The following SCAI variants were observed in gnomAD, a reference collection of about 807,000 sequenced individuals.
SCAI encodes suppressor of cancer cell invasion.
SCAI carries 24 observed loss-of-function variants against 92.2 expected under a neutral mutation model. That is an observed-to-expected ratio of 0.26 (90% CI 0.19 to 0.37). The LOEUF (loss-of-function observed/expected upper bound fraction) is 0.37, where lower values mean the gene tolerates loss of function less well. Ranked by LOEUF, SCAI falls within the 10% of genes least tolerant of loss-of-function variation. SCAI has a pLI of 1.00. For synonymous variants in SCAI, 261 were observed against 258.6 expected (o/e 1.01, Z -0.09); for missense variants, 450 against 736.2 (o/e 0.61, Z 4.50).
intron 17 of SCAI, chr9:124,968,474 G>T: frequency 1.1e-6 from 1 of 935,678 alleles, no homozygotes; most frequent in South Asian, 1.3e-5. Context: ...AGATTTGCTT[G>T]TTTGGTGTCT....
chr9:125,019,722 G>A (rs113996967), intron 7 of SCAI, among the ~76,000 whole-genome samples: 1,658 of 152,170 alleles, frequency 0.011, 34 homozygotes, highest in African/African-American at 0.038. Context: ...AATGGTAACT[G>A]GGTATAAAGG....
At chr9:124,992,157 A>C (rs1832141510) in intron 14 of SCAI, among the ~76,000 whole-genome samples, 1 of 152,138 alleles carries the variant, frequency 6.6e-6, no homozygotes, top group South Asian at 2.1e-4. Flanking sequence ...GGTTCAAGTG[A>C]TCCTCTTGCC....
intron 3 of SCAI, among the ~76,000 whole-genome samples, chr9:125,041,640 C>T (rs1833320261): frequency 2.0e-5 from 3 of 152,094 alleles, no homozygotes; most frequent in South Asian, 4.1e-4. Flanking sequence ...GGACTTCGTA[C>T]GCAGGCTAAA....
chr9:124,996,040 C>G (rs111714087), intron 13 of SCAI, among the ~76,000 whole-genome samples: 3 of 152,050 alleles, frequency 2.0e-5, no homozygotes, highest in Non-Finnish European at 4.4e-5. Context: ...TATCATCAAA[C>G]TTCATTATAT....
chr9:124,955,627 A>T (rs1378539253), intron 17 of SCAI, among the ~76,000 whole-genome samples: 1 of 151,998 alleles, frequency 6.6e-6, no homozygotes, highest in African/African-American at 2.4e-5. Context: ...TCTCAAAAAA[A>T]ATTTTTTTAA....
At chr9:124,955,122 C>T (rs1265627813) in intron 17 of SCAI, among the ~76,000 whole-genome samples, 1 of 148,906 alleles carries the variant, frequency 6.7e-6, no homozygotes, top group Non-Finnish European at 1.5e-5. Context: ...GAGCCAAGAT[C>T]GCGCCACTGC....
chr9:125,114,039 G>T (rs919174947), intron 2 of SCAI, among the ~76,000 whole-genome samples: 4 of 152,160 alleles, frequency 2.6e-5, no homozygotes, highest in African/African-American at 9.7e-5. Flanking sequence ...CAAGGCAATG[G>T]TTCCCAAACT....
intron 14 of SCAI, among the ~76,000 whole-genome samples, chr9:124,980,241 C>T (rs1258461667): frequency 6.6e-6 from 1 of 151,628 alleles, no homozygotes; most frequent in Non-Finnish European, 1.5e-5. Context: ...CTAAAATGGA[C>T]ATTGCTATTA....
intron 3 of SCAI, among the ~76,000 whole-genome samples, chr9:125,040,978 A>C (rs2131108574): frequency 6.6e-6 from 1 of 152,212 alleles, no homozygotes; most frequent in South Asian, 2.1e-4. Flanking sequence ...ATACTAATAA[A>C]TTTGAATAGC....
intron 12 of SCAI, among the ~76,000 whole-genome samples, chr9:125,001,633 G>C (rs1588143492): frequency 6.6e-6 from 1 of 152,228 alleles, no homozygotes; most frequent in East Asian, 1.9e-4. Context: ...CATTACGCTT[G>C]GTTATTCCAT....
At chr9:125,035,514 C>T (rs943435896) in intron 3 of SCAI, among the ~76,000 whole-genome samples, 1 of 152,036 alleles carries the variant, frequency 6.6e-6, no homozygotes, top group Admixed American at 6.6e-5. Flanking sequence ...GTCAGACTGG[C>T]TTGGTACCAC....
At chr9:125,066,196 G>A in intron 2 of SCAI, 3 of 505,674 alleles carry the variant, frequency 5.9e-6, no homozygotes, top group Non-Finnish European at 1.0e-5. Flanking sequence ...CAAAGTTTCT[G>A]GATAAAAGGT....
chr9:125,100,726 G>A (rs1397693189), intron 2 of SCAI, among the ~76,000 whole-genome samples: 1 of 151,736 alleles, frequency 6.6e-6, no homozygotes, highest in Non-Finnish European at 1.5e-5. Flanking sequence ...CAGACAAAGG[G>A]GACAAAGAGC....
chr9:124,966,613 CTTTTTCTTAATTTA>C (rs1184393244), intron 17 of SCAI, among the ~76,000 whole-genome samples: 2 of 151,534 alleles, frequency 1.3e-5, no homozygotes, highest in Non-Finnish European at 2.9e-5. Context: ...CATGATATAC[CTTTTTCTTAATTTA>C]TTCAATATTT....
Position 125,026,917 on chromosome 9 carries a change from G to GA in SCAI, c.414-8dup, listed in dbSNP as rs748698232. On this transcript the variant is annotated splice_polypyrimidine_tract_variant and splice_region_variant and intron_variant, in intron 5 of 17. Coordinates refer to ENST00000336505, the MANE Select transcript of SCAI (RefSeq NM_001144877.3). ...GGTTTCCGATGTGCGTAAGCTATGA[G>GA]AAAAAATATATTTTTAAATATGACA... The GA allele has an allele frequency of 1.4e-5, 22 of 1,517,468 alleles. No individual in the cohort carries two copies. Among genetic ancestry groups the GA allele is most frequent in the Admixed American group, 7.1e-5 (4 of 55,996 alleles). The allele number at this position is 1,517,468 out of a possible 1,614,324, so 94.0% of individuals were successfully genotyped here.
At chr9:125,002,704 G>A (rs1174979059) in intron 11 of SCAI, among the ~76,000 whole-genome samples, 1 of 151,642 alleles carries the variant, frequency 6.6e-6, no homozygotes, top group Non-Finnish European at 1.5e-5. Context: ...AGCTGTTCTT[G>A]AACTCCCGAC....
chr9:125,010,539 T>C (rs1467131576), intron 9 of SCAI, among the ~76,000 whole-genome samples: 2 of 152,214 alleles, frequency 1.3e-5, no homozygotes, highest in African/African-American at 2.4e-5. Flanking sequence ...AAGCTCGAAC[T>C]GGGTCGAGCC....
chr9:125,083,391 G>A (rs774945732), intron 2 of SCAI, among the ~76,000 whole-genome samples: 10 of 151,852 alleles, frequency 6.6e-5, no homozygotes, highest in Admixed American at 1.3e-4. Flanking sequence ...GGTGGTGTGC[G>A]CCTGTAATCC....
intron 3 of SCAI, among the ~76,000 whole-genome samples, chr9:125,043,023 G>T (rs1270997213): frequency 6.6e-6 from 1 of 151,688 alleles, no homozygotes; most frequent in Non-Finnish European, 1.5e-5. Flanking sequence ...TTGCCACCAT[G>T]CCTGGCTAAT....
Sources: gnomAD v4.1 joint callset for allele counts (sites outside exome capture counted in the v4.1 genomes callset) on GRCh38, gnomAD v4.1.1 for gene constraint, MANE v1.5 for transcripts, NCBI Gene and HGNC (gene_info 2026-07-23, HGNC 2026-07-21) for gene names.